SENP5: variants seen among roughly 807,000 people sequenced by gnomAD.
SENP5 encodes sentrin-specific protease 5.
SENP5 carries 21 observed loss-of-function variants against 74.2 expected under a neutral mutation model. That is an observed-to-expected ratio of 0.28 (90% confidence interval 0.20 to 0.41). The LOEUF (loss-of-function observed/expected upper bound fraction) is 0.41, where lower values mean the gene tolerates loss of function less well. Ranked by LOEUF, SENP5 falls within the 10% of genes least tolerant of loss-of-function variation. The pLI, the probability that SENP5 is intolerant of heterozygous loss-of-function variation, is 1.00. For synonymous variants in SENP5, 311 were observed against 312.7 expected (o/e 0.99, Z 0.06); for missense variants, 717 against 889.1 (o/e 0.81, Z 2.46).
At chr3:196,923,341 T>C in intron 6 of SENP5, 73 bp from the exon 7 acceptor site, 1 of 1,516,316 alleles carries the variant, frequency 6.6e-7, no homozygotes, top group Non-Finnish European at 8.8e-7. Context: ...GGTCAGCAAA[T>C]GGAAGCTGCT....
At chr3:196,878,373 C>T (rs188089117) in intron 1 of SENP5, among the ~76,000 whole-genome samples, 47 of 152,104 alleles carry the variant, frequency 3.1e-4, no homozygotes, top group Middle Eastern at 3.4e-3. Context: ...GAGTAGAAAA[C>T]GATTATTATC....
intron 5 of SENP5, among the ~76,000 whole-genome samples, chr3:196,901,226 A>G (rs1251668865): frequency 6.6e-6 from 1 of 151,256 alleles, no homozygotes; most frequent in East Asian, 2.0e-4. Context: ...TTGTATTTTT[A>G]GGAGAGACAG....
intron 5 of SENP5, among the ~76,000 whole-genome samples, chr3:196,902,615 C>T (rs6804923): frequency 0.011 from 1,727 of 152,262 alleles, 29 homozygotes; most frequent in African/African-American, 0.039. Context: ...CACTACTGGT[C>T]AGGTGACCAC....
chr3:196,868,355 G>A (rs962923656), intron 1 of SENP5, among the ~76,000 whole-genome samples: 1 of 152,272 alleles, frequency 6.6e-6, no homozygotes, highest in Non-Finnish European at 1.5e-5. Context: ...TCCTCCTGAA[G>A]CCGGGAAAGC....
chr3:196,930,007 C>A (rs9880996), intron 9 of SENP5, among the ~76,000 whole-genome samples: 1,547 of 139,036 alleles, frequency 0.011, 23 homozygotes, highest in African/African-American at 0.038. Flanking sequence ...AAAAAAAAAA[C>A]ATTGGCAAGC....
Position 196,917,811 on chromosome 3 carries a change from G to A in SENP5, c.1885-5603G>A, listed in dbSNP as rs114759144. Among the ~76,000 whole-genome samples, 1,366 of 152,278 alleles carry A rather than the reference G, an allele frequency of 9.0e-3. 22 individuals carry two copies. The highest frequency in any genetic ancestry group is 0.029 in the African/African-American group (1,206 of 41,538). On this transcript the variant is annotated intron_variant, in intron 6 of 9. Coordinates refer to ENST00000323460, the MANE Select transcript of SENP5 (RefSeq NM_152699.5). The stretch of plus-strand genomic sequence containing the variant: ...CCTGACCTATAAGAGATGCTAAGGG[G>A]AGCTCTTTAATCTGAAAGGAAAGGA...
intron 1 of SENP5, among the ~76,000 whole-genome samples, chr3:196,879,877 GA>G (rs1234587444): frequency 6.6e-6 from 1 of 151,956 alleles, no homozygotes; most frequent in African/African-American, 2.4e-5. Flanking sequence ...CAAATTTACC[GA>G]AAAAAATTGC....
At chr3:196,913,956 G>A (rs538642820) in intron 6 of SENP5, 6 of 152,172 alleles carry the variant, frequency 3.9e-5, no homozygotes, top group African/African-American at 1.4e-4. Flanking sequence ...GCCAAGAAAG[G>A]CTCTTAAACA....
At position 196,931,052 on chromosome 3, in the gene SENP5, A is replaced by G. The variant is rs532050689; in HGVS notation, c.*129A>G. On this transcript the variant is annotated 3_prime_UTR_variant, in exon 10 of 10. Coordinates refer to ENST00000323460, the MANE Select transcript of SENP5 (RefSeq NM_152699.5). ...GGTGTTGGGCCACTATTGTTACCTCAAATTTATTTTTTGCCCTTATTCATT... is the reference window on the plus strand; with the variant it reads ...GGTGTTGGGCCACTATTGTTACCTCGAATTTATTTTTTGCCCTTATTCATT... 5.0e-5 allele frequency: 32 copies of G among 641,078 alleles called. No homozygotes were observed. The highest frequency in any genetic ancestry group is 7.6e-5 in the Non-Finnish European group (27 of 354,788). 39.7% of individuals were successfully genotyped at this position (641,078 alleles called of 1,614,324 possible). A position where few individuals can be genotyped will look rare whatever the true frequency, so the allele number is the denominator to read the frequency against.
chr3:196,904,831 G>A (rs1358858848), intron 6 of SENP5: 1 of 152,106 alleles, frequency 6.6e-6, no homozygotes, highest in East Asian at 1.9e-4. Context: ...ACATTAGAGG[G>A]TTTAAGCAGC....
chr3:196,913,384 A>T (rs1056390942), intron 6 of SENP5: 1 of 151,938 alleles, frequency 6.6e-6, no homozygotes, highest in African/African-American at 2.4e-5. Context: ...CCTGGCCAAG[A>T]TAGTGAAACC....
intron 6 of SENP5, among the ~76,000 whole-genome samples, chr3:196,909,683 C>G (rs4916581): frequency 0.22 from 33,659 of 152,080 alleles, 3,840 homozygotes; most frequent in African/African-American, 0.27. Flanking sequence ...TCAGTAGATG[C>G]AGAAAAGACC....
At chr3:196,873,443 T>C (rs1713307523) in intron 1 of SENP5, among the ~76,000 whole-genome samples, 1 of 152,180 alleles carries the variant, frequency 6.6e-6, no homozygotes, top group East Asian at 1.9e-4. Flanking sequence ...TTTTTGCTGT[T>C]GTTCGGTGTT....
In SENP5 at chr3:196,934,475, G is replaced by T. The variant is rs1347532285; in HGVS notation, c.*3552G>T. ...TCAGCAGTTACAAAGCACATACTTT[G>T]TTACGTGCTAGGCTTTGCCTCCTGG... On this transcript the variant is annotated 3_prime_UTR_variant, in exon 10 of 10. Transcript: ENST00000323460. 6.6e-6 allele frequency: 1 copy of T among 152,228 alleles called. No individual in the cohort carries two copies. Among genetic ancestry groups the T allele is most frequent in the Non-Finnish European group, 1.5e-5 (1 of 68,044 alleles). 9.4% of individuals were successfully genotyped at this position (152,228 alleles called of 1,614,324 possible). A position where few individuals can be genotyped will look rare whatever the true frequency, so the allele number is the denominator to read the frequency against.
At chr3:196,906,217 A>T (rs1453970483) in intron 6 of SENP5, among the ~76,000 whole-genome samples, 1 of 149,636 alleles carries the variant, frequency 6.7e-6, no homozygotes, top group African/African-American at 2.5e-5. Flanking sequence ...AAGACTTTCT[A>T]AAAAAAAAGA....
chr3:196,920,028 T>C (rs2108859475), intron 6 of SENP5, among the ~76,000 whole-genome samples: 1 of 152,342 alleles, frequency 6.6e-6, no homozygotes, highest in South Asian at 2.1e-4. Context: ...TTATCCTTTT[T>C]CCAGATTGTT....
At chr3:196,891,922 C>CCAGGACCACAGAGG in intron 2 of SENP5, among the ~76,000 whole-genome samples, 1 of 151,052 alleles carries the variant, frequency 6.6e-6, no homozygotes, top group African/African-American at 2.4e-5. Flanking sequence ...TCCGGAGTAG[C>CCAGGACCACAGAGG]TGGGACTATA....
At chr3:196,900,323 C>G in intron 4 of SENP5, 42 bp from the exon 5 acceptor site, 2 of 1,552,000 alleles carry the variant, frequency 1.3e-6, no homozygotes, top group Non-Finnish European at 1.8e-6. Flanking sequence ...TCCAACTTAA[C>G]TGGCAGAGAT....
intron 2 of SENP5, among the ~76,000 whole-genome samples, chr3:196,889,739 T>C (rs1714125976): frequency 6.6e-6 from 1 of 152,142 alleles, no homozygotes; most frequent in Non-Finnish European, 1.5e-5. Flanking sequence ...ACAGTTTTGG[T>C]AGATCAGAAA....
Sources: allele counts gnomAD v4.1 joint callset (sites outside exome capture counted in the v4.1 genomes callset), GRCh38; gene constraint gnomAD v4.1.1; transcripts MANE v1.5; gene names NCBI Gene and HGNC (gene_info 2026-07-23, HGNC 2026-07-21).